MELTF: variants seen among roughly 807,000 people sequenced by gnomAD.
MELTF encodes antigen p97 (melanoma associated) identified by monoclonal antibodies 133.2 and 96.5.
MELTF carries 67 observed loss-of-function variants against 83.7 expected under a neutral mutation model. That is an observed-to-expected ratio of 0.80 (90% CI 0.66 to 0.98). The LOEUF (loss-of-function observed/expected upper bound fraction) is 0.98, where lower values mean the gene tolerates loss of function less well. Among genes scored for constraint, MELTF ranks in the 50% least tolerant of loss-of-function variants. The pLI, the probability that MELTF is intolerant of heterozygous loss-of-function variation, is 0.00. For missense variants in MELTF, 1,002 were observed against 1,035.6 expected, an observed-to-expected ratio of 0.97 and a Z score of 0.44; for synonymous variants, 462 against 447.6, an observed-to-expected ratio of 1.03 and a Z score of -0.41.
intron 9 of MELTF, among the ~76,000 whole-genome samples, chr3:197,013,529 TCAAA>T (rs550343700): frequency 6.6e-6 from 1 of 152,176 alleles, no homozygotes; most frequent in Non-Finnish European, 1.5e-5. Flanking sequence ...GGGAATTGTA[TCAAA>T]CAAACAAGTT....
intron 14 of MELTF, among the ~76,000 whole-genome samples, chr3:197,005,875 G>A (rs952907115): frequency 2.6e-5 from 4 of 151,818 alleles, no homozygotes; most frequent in Admixed American, 1.3e-4. Flanking sequence ...CCAGAGGAGA[G>A]GACTTGTTAA....
At position 197,003,128 on chromosome 3, in the gene MELTF, G is replaced by T. The variant is rs993233627; in HGVS notation, c.*244C>A. ...TTTCCTGGGCAACCGGCCTCCTCCG[G>T]CGCGGCCCGCGCGGCTCCAGGTGGC... On this transcript the variant is annotated 3_prime_UTR_variant, in exon 16 of 16. Coordinates refer to ENST00000296350, the MANE Select transcript of MELTF (RefSeq NM_005929.6). The surrounding 1 kb of genome is among the most constrained non-coding windows in gnomAD (Gnocchi z 6.2). The T allele has an allele frequency of 9.5e-5, 19 of 200,208 alleles. No homozygotes were observed. The highest frequency in any genetic ancestry group is 1.7e-4 in the Non-Finnish European group (19 of 112,460). 12.4% of individuals were successfully genotyped at this position (200,208 alleles called of 1,614,324 possible).
rs1490503895 is a variant in MELTF, at chr3:197,022,337, C to T, written c.644+620G>A. ...GGGGAGTGGAGGGGCAAGGCTGTCC[C>T]GCTCAGGGGTGCTGAGGACTGTTTC... On this transcript the variant is annotated intron_variant, in intron 5 of 15. Coordinates refer to ENST00000296350, the MANE Select transcript of MELTF (RefSeq NM_005929.6). This position sits in a 1 kb window ranked among gnomAD's most constrained non-coding sequence, Gnocchi z 5.1. Among the ~76,000 whole-genome samples the T allele has an allele frequency of 3.3e-5, 5 of 152,174 alleles. No individual in the cohort carries two copies. Among genetic ancestry groups the T allele is most frequent in the South Asian group, 2.1e-4 (1 of 4,830 alleles).
intron 6 of MELTF, chr3:197,019,580 AC>A: frequency 6.3e-7 from 1 of 1,583,148 alleles, no homozygotes; most frequent in Non-Finnish European, 8.7e-7. Context: ...CTCAAAAAAA[AC>A]CCCAAGTTTG....
intron 5 of MELTF, 60 bp from the exon 6 acceptor site, chr3:197,021,531 C>T: frequency 2.0e-6 from 3 of 1,519,606 alleles, no homozygotes; most frequent in South Asian, 2.3e-5. Flanking sequence ...CCATCTTCCA[C>T]CTCTGGAGGC....
chr3:197,013,050 A>G (rs1378759432), intron 9 of MELTF, among the ~76,000 whole-genome samples: 2 of 152,234 alleles, frequency 1.3e-5, no homozygotes, highest in Non-Finnish European at 2.9e-5. Flanking sequence ...GAAAATTCCA[A>G]TGACATTCTT....
intron 6 of MELTF, among the ~76,000 whole-genome samples, chr3:197,017,532 G>A (rs950137056): frequency 6.6e-6 from 1 of 152,184 alleles, no homozygotes; most frequent in South Asian, 2.1e-4. Flanking sequence ...GGAGGTATCT[G>A]ACAGTAATAC....
intron 14 of MELTF, among the ~76,000 whole-genome samples, chr3:197,005,932 C>T (rs1456990397): frequency 7.5e-6 from 1 of 133,980 alleles, no homozygotes; most frequent in Non-Finnish European, 1.6e-5. Flanking sequence ...CGAAAGGGAG[C>T]AGGATTGGCC....
Position 197,003,451 on chromosome 3 carries a change from G to T in MELTF, c.2138C>A (p.Ala713Glu), listed in dbSNP as rs1410146246. The part of the protein sequence containing the change: ...GMSSQQCSGA[A>E]APAPGAPLLP... ...CAGGGGCGCCCCGGGCGCCGGGGCC[G>T]CTGGGGACGAACGCGGCGGGTCAGG... Residue 713 changes from alanine (A) to glutamate (E), a missense_variant and splice_region_variant, in exon 16 of 16, where the codon GCG becomes GAG. Transcript: ENST00000296350. The surrounding 1 kb of genome is among the most constrained non-coding windows in gnomAD (Gnocchi z 6.2). 9.2e-7 allele frequency: 1 copy of T among 1,088,720 alleles called. No homozygotes were observed. Among genetic ancestry groups the T allele is most frequent in the Middle Eastern group, 4.0e-4 (1 of 2,514 alleles). 67.4% of individuals were successfully genotyped at this position (1,088,720 alleles called of 1,614,324 possible).
chr3:197,006,536 C>T lies in MELTF; in HGVS notation c.1938+13G>A. The T allele has an allele frequency of 6.2e-7, 1 of 1,609,156 alleles. No homozygotes were observed. Among genetic ancestry groups the T allele is most frequent in the Non-Finnish European group, 8.5e-7 (1 of 1,177,778 alleles). ...TGCACACCCCTCAATGAGGTAGCCC[C>T]ACCCTGGCTCACCTGGGCCTTGTCC... On this transcript the variant is annotated intron_variant, in intron 14 of 15. Transcript: ENST00000296350. The surrounding 1 kb of genome is among the most constrained non-coding windows in gnomAD (Gnocchi z 5.4).
intron 10 of MELTF, among the ~76,000 whole-genome samples, 200 bp from the exon 11 acceptor site, chr3:197,010,012 C>T (rs980644981): frequency 2.0e-5 from 3 of 152,260 alleles, no homozygotes; most frequent in Non-Finnish European, 4.4e-5. Context: ...TGAGAAGCAG[C>T]CTCTTGCCTC....
chr3:197,020,452 T>C (rs1012481083), intron 6 of MELTF, among the ~76,000 whole-genome samples: 1 of 151,796 alleles, frequency 6.6e-6, no homozygotes, highest in African/African-American at 2.4e-5. Flanking sequence ...GGGTATGACA[T>C]AGGCAAATGT....
chr3:197,005,074 G>A (rs1163258739), intron 14 of MELTF, among the ~76,000 whole-genome samples: 2 of 152,242 alleles, frequency 1.3e-5, no homozygotes, highest in Non-Finnish European at 2.9e-5. Context: ...CTGCAGTTCT[G>A]TGGTGCTGGT....
chr3:197,017,320 G>A, intron 6 of MELTF, 30 bp from the exon 7 acceptor site: 1 of 1,493,854 alleles, frequency 6.7e-7, no homozygotes, highest in Non-Finnish European at 9.0e-7. Flanking sequence ...GGCTGAGCCA[G>A]CTCCGAAAGG....
chr3:197,022,986 C>T lies in MELTF; in HGVS notation c.615G>A (p.Glu205=), dbSNP rs1719686753. 3.1e-6 allele frequency: 5 copies of T among 1,613,352 alleles called. No homozygotes were observed. The highest frequency in any genetic ancestry group is 4.2e-6 in the Non-Finnish European group (5 of 1,179,942). ...GEGVCDKSPL[E]RYYDYSGAFR... Reference sequence around the variant, plus strand: ...AGGCCCCGCTGTAGTCGTAGTATCTCTCCAGGGGGCTCTTGTCACACACCC... The same window carrying T: ...AGGCCCCGCTGTAGTCGTAGTATCTTTCCAGGGGGCTCTTGTCACACACCC... The change falls in exon 5 of 16, where the codon GAG becomes GAA. Residue 205 remains glutamate (E), a synonymous_variant. Transcript: ENST00000296350. This position sits in a 1 kb window ranked among gnomAD's most constrained non-coding sequence, Gnocchi z 5.1.
At position 197,006,640 on chromosome 3, in the gene MELTF, G is replaced by C; in HGVS notation, c.1847C>G (p.Ala616Gly). ...GGGTGGTATCTGTGCCAGGTTGCAGGCTGCAAACTGGGACACCTCGGCTCG... is the reference window on the plus strand; with the variant it reads ...GGGTGGTATCTGTGCCAGGTTGCAGCCTGCAAACTGGGACACCTCGGCTCG... ...GARAEVSQFAACNLAQIPPHA... is the reference protein window; with the variant it reads ...GARAEVSQFAGCNLAQIPPHA... The change falls in exon 14 of 16, where the codon GCC becomes GGC. Residue 616 changes from alanine (A) to glycine (G), a missense_variant. Physicochemically the swap from Ala to Gly is moderately conservative, Grantham distance 60 (BLOSUM62 0). Coordinates refer to ENST00000296350, the MANE Select transcript of MELTF (RefSeq NM_005929.6). The surrounding 1 kb of genome is among the most constrained non-coding windows in gnomAD (Gnocchi z 5.4). 6.2e-7 allele frequency: 1 copy of C among 1,611,290 alleles called. No homozygotes were observed. The highest frequency in any genetic ancestry group is 1.1e-5 in the South Asian group (1 of 90,780).
In MELTF at chr3:197,008,336, A is replaced by G. The variant is rs1325721063; in HGVS notation, c.1750+321T>C. ...GAGGCTCATGCCACTCCCACCTCACACCTTGGCACTACATCAATACTCCCA... is the reference window on the plus strand; with the variant it reads ...GAGGCTCATGCCACTCCCACCTCACGCCTTGGCACTACATCAATACTCCCA... On this transcript the variant is annotated intron_variant, in intron 13 of 15. Coordinates refer to ENST00000296350, the MANE Select transcript of MELTF (RefSeq NM_005929.6). This position sits in a 1 kb window ranked among gnomAD's most constrained non-coding sequence, Gnocchi z 5.4. 1.3e-5 allele frequency among the ~76,000 whole-genome samples: 2 copies of G among 152,028 alleles called. No homozygotes were observed. Among genetic ancestry groups the G allele is most frequent in the East Asian group, 1.9e-4 (1 of 5,184 alleles).
rs1160368235 is a variant in MELTF at position 197,024,732 on chromosome 3, C to A, written c.305-247G>T. Among the ~76,000 whole-genome samples the A allele has an allele frequency of 6.6e-6, 1 of 152,212 alleles. No individual in the cohort carries two copies. Among genetic ancestry groups the A allele is most frequent in the Non-Finnish European group, 1.5e-5 (1 of 68,038 alleles). ...GATATTGATGTATTCATTGATTTCCCCCTCTTCCTTCCCCAGCAGCTGGTG... is the reference window on the plus strand; with the variant it reads ...GATATTGATGTATTCATTGATTTCCACCTCTTCCTTCCCCAGCAGCTGGTG... On this transcript the variant is annotated intron_variant, in intron 3 of 15. Transcript: ENST00000296350. This position sits in a 1 kb window ranked among gnomAD's most constrained non-coding sequence, Gnocchi z 5.3.
Position 197,003,407 on chromosome 3 carries a change from C to A in MELTF, c.2182G>T (p.Ala728Ser), listed in dbSNP as rs1182504508. The A allele has an allele frequency of 8.3e-6, 9 of 1,082,008 alleles. No homozygotes were observed. The highest frequency in any genetic ancestry group is 1.0e-5 in the Non-Finnish European group (9 of 894,658). 67.0% of individuals were successfully genotyped at this position (1,082,008 alleles called of 1,614,324 possible). Residue 728 changes from alanine to serine, a missense_variant, in exon 16 of 16, where the codon GCC (alanine) becomes TCC (serine). Ala to Ser is a moderately conservative substitution (Grantham distance 99). Coordinates refer to ENST00000296350, the MANE Select transcript of MELTF (RefSeq NM_005929.6). This position sits in a 1 kb window ranked among gnomAD's most constrained non-coding sequence, Gnocchi z 6.2. Reference protein sequence around the residue: ...GAPLLPLLLPALAARLLPPAL With the variant: ...GAPLLPLLLPSLAARLLPPAL ...GGCGGGAGCAGGCGGGCGGCGAGGG[C>A]GGGCAGCAGCAGCGGGAGCAGGGGC...
Sources: allele counts gnomAD v4.1 joint callset (sites outside exome capture counted in the v4.1 genomes callset), GRCh38; gene constraint gnomAD v4.1.1; non-coding constraint Gnocchi (gnomAD v3.1); transcripts MANE v1.5; gene names NCBI Gene and HGNC (gene_info 2026-07-23, HGNC 2026-07-21).